SPTLC3: variants seen among roughly 807,000 people sequenced by gnomAD.
SPTLC3 encodes serine palmitoyltransferase 3.
A neutral mutation model predicts 59.3 loss-of-function variants in SPTLC3; 36 were observed. That is an observed-to-expected ratio of 0.61 (90% CI 0.47 to 0.80). SPTLC3 has a LOEUF of 0.80. SPTLC3 is among the 30% of genes least tolerant of loss of function. SPTLC3 has a pLI of 0.00. For missense variants in SPTLC3, 625 were observed against 685.1 expected (o/e 0.91, Z 0.98); for synonymous variants, 257 against 240.8 (o/e 1.07, Z -0.62).
intron 11 of SPTLC3, among the ~76,000 whole-genome samples, chr20:13,164,020 C>T (rs1282412002): frequency 6.6e-6 from 1 of 152,100 alleles, no homozygotes; most frequent in Non-Finnish European, 1.5e-5. Flanking sequence ...CGTCATTTAG[C>T]ATTAGGTATA....
At chr20:13,017,670 T>C (rs910774000) in intron 1 of SPTLC3, among the ~76,000 whole-genome samples, 2 of 152,206 alleles carry the variant, frequency 1.3e-5, no homozygotes, top group Admixed American at 1.3e-4. Context: ...GTGTATTTTA[T>C]GTGTGGCTCA....
chr20:13,035,153 G>T (rs968512399), intron 1 of SPTLC3, among the ~76,000 whole-genome samples: 10 of 152,010 alleles, frequency 6.6e-5, no homozygotes, highest in African/African-American at 2.4e-4. Flanking sequence ...TCAGCTTTCA[G>T]TCTCTCTGTG....
intron 4 of SPTLC3, among the ~76,000 whole-genome samples, chr20:13,083,746 A>G (rs1988918246): frequency 6.6e-6 from 1 of 152,164 alleles, no homozygotes; most frequent in South Asian, 2.1e-4. Context: ...TTTTTAGTCC[A>G]TATTGAGGCT....
intron 9 of SPTLC3, among the ~76,000 whole-genome samples, chr20:13,146,570 A>G (rs2038514831): frequency 6.6e-6 from 1 of 152,336 alleles, no homozygotes; most frequent in South Asian, 2.1e-4. Context: ...GTAATATTAT[A>G]TCTTATCATT....
intron 2 of SPTLC3, among the ~76,000 whole-genome samples, chr20:13,053,692 T>C (rs990160903): frequency 6.6e-6 from 1 of 151,988 alleles, no homozygotes; most frequent in African/African-American, 2.4e-5. Context: ...GAGAAGAACA[T>C]AAATGACCTG....
intron 4 of SPTLC3, among the ~76,000 whole-genome samples, chr20:13,078,094 T>G (rs998334752): frequency 6.7e-6 from 1 of 148,506 alleles, no homozygotes; most frequent in Non-Finnish European, 1.5e-5. Flanking sequence ...ACTTTATATA[T>G]TTTATATATA....
At chr20:13,074,219 G>A (rs867275985) in intron 3 of SPTLC3, 130 bp from the exon 4 acceptor site, 9 of 1,176,304 alleles carry the variant, frequency 7.7e-6, no homozygotes, top group Admixed American at 1.8e-5. Flanking sequence ...TCACAGATCT[G>A]AGCTGCCATC....
chr20:13,093,724 C>A lies in SPTLC3; in HGVS notation c.826+147C>A, dbSNP rs561919799. ...TTTATATTCACTCCTGGCTTGTTAA[C>A]CTCTGGTGACCTGGAACAAATGGTT... On this transcript the variant is annotated intron_variant, in intron 6 of 11. Coordinates refer to ENST00000399002, the MANE Select transcript of SPTLC3 (RefSeq NM_018327.4). 110 of 653,486 alleles carry A rather than the reference C, an allele frequency of 1.7e-4. No individual in the cohort carries two copies. In the African/African-American group the frequency reaches 1.8e-3, roughly 11 times the overall value. The allele number at this position is 653,486 out of a possible 1,614,324, so 40.5% of individuals were successfully genotyped here.
chr20:13,115,858 G>A (rs375002887), intron 7 of SPTLC3, among the ~76,000 whole-genome samples: 1 of 152,126 alleles, frequency 6.6e-6, no homozygotes, highest in African/African-American at 2.4e-5. Context: ...CATCCTGTTT[G>A]TATTGCATAT....
chr20:13,079,570 A>G (rs1295740255), intron 4 of SPTLC3, among the ~76,000 whole-genome samples: 1 of 152,266 alleles, frequency 6.6e-6, no homozygotes, highest in African/African-American at 2.4e-5. Flanking sequence ...AATGAGTAAA[A>G]TGAAACTACT....
intron 6 of SPTLC3, among the ~76,000 whole-genome samples, chr20:13,107,136 G>C (rs1989949979): frequency 6.6e-6 from 1 of 152,188 alleles, no homozygotes; most frequent in Non-Finnish European, 1.5e-5. Flanking sequence ...CCAGACCCCA[G>C]GGATACTGAG....
chr20:13,080,888 G>C (rs1258545544), intron 4 of SPTLC3, among the ~76,000 whole-genome samples: 2 of 152,136 alleles, frequency 1.3e-5, no homozygotes, highest in Non-Finnish European at 2.9e-5. Context: ...AAACAAGTAT[G>C]TTTCTAACAT....
intron 1 of SPTLC3, among the ~76,000 whole-genome samples, chr20:13,038,163 T>C (rs1323497761): frequency 6.6e-6 from 1 of 152,082 alleles, no homozygotes; most frequent in Non-Finnish European, 1.5e-5. Context: ...ATCTGTGATG[T>C]CTTTGTATAA....
intron 8 of SPTLC3, among the ~76,000 whole-genome samples, chr20:13,122,274 C>G (rs1451712670): frequency 6.6e-6 from 1 of 152,212 alleles, no homozygotes; most frequent in African/African-American, 2.4e-5. Context: ...GAGAGATAGA[C>G]ATGAAACATT....
At chr20:13,108,715 G>A (rs1445547815) in intron 6 of SPTLC3, among the ~76,000 whole-genome samples, 1 of 152,050 alleles carries the variant, frequency 6.6e-6, no homozygotes, top group Non-Finnish European at 1.5e-5. Flanking sequence ...GCTGGGATTA[G>A]AGGTGCCTAC....
chr20:13,117,495 T>G lies in SPTLC3; in HGVS notation c.933-11T>G. On this transcript the variant is annotated splice_polypyrimidine_tract_variant and intron_variant, in intron 7 of 11. Transcript: ENST00000399002. ...ATTTGTTAGTTATGAGCATTTCTCCTTCTGCCCTAGCATGGAAGGTTCCAT... is the reference window on the plus strand; with the variant it reads ...ATTTGTTAGTTATGAGCATTTCTCCGTCTGCCCTAGCATGGAAGGTTCCAT... The G allele has an allele frequency of 6.4e-7, 1 of 1,564,386 alleles. No homozygotes were observed. Among genetic ancestry groups the G allele is most frequent in the South Asian group, 1.2e-5 (1 of 83,224 alleles).
intron 1 of SPTLC3, 111 bp downstream of exon 1, chr20:13,009,495 T>C (rs767304867): frequency 4.6e-5 from 47 of 1,027,920 alleles, no homozygotes; most frequent in Non-Finnish European, 6.6e-5. Flanking sequence ...GAAGGGTTTT[T>C]ACATGTTTTG....
chr20:13,021,511 C>G (rs1985879625), intron 1 of SPTLC3, among the ~76,000 whole-genome samples: 2 of 151,634 alleles, frequency 1.3e-5, no homozygotes, highest in South Asian at 4.2e-4. Flanking sequence ...ATCTGCTACT[C>G]ACTCTGTAAA....
In SPTLC3 at chr20:13,126,724, G is replaced by C; in HGVS notation, c.1279+7G>C. ...CTGGATGGGACCACTCAAGGTAAGAGGATCTGCAGAGAGCACAGCTCCTGG... is the reference window on the plus strand; with the variant it reads ...CTGGATGGGACCACTCAAGGTAAGACGATCTGCAGAGAGCACAGCTCCTGG... On this transcript the variant is annotated splice_region_variant and intron_variant, in intron 9 of 11. Transcript: ENST00000399002. The C allele has an allele frequency of 6.2e-7, 1 of 1,613,756 alleles. No individual in the cohort carries two copies. The highest frequency in any genetic ancestry group is 8.5e-7 in the Non-Finnish European group (1 of 1,179,814).
Sources: allele counts gnomAD v4.1 joint callset (sites outside exome capture counted in the v4.1 genomes callset), GRCh38; gene constraint gnomAD v4.1.1; transcripts MANE v1.5; gene names NCBI Gene and HGNC (gene_info 2026-07-23, HGNC 2026-07-21).